BAZ2B: variants seen among roughly 807,000 people sequenced by gnomAD.
The protein encoded by BAZ2B is bromodomain adjacent to zinc finger domain 2B.
Under a neutral mutation model 246.0 loss-of-function variants are expected in BAZ2B, and 91 were observed. That is an observed-to-expected ratio of 0.37 (90% confidence interval 0.31 to 0.44). BAZ2B has a LOEUF of 0.44. BAZ2B is among the 20% of genes least tolerant of loss of function. The pLI is 1.00. For synonymous variants in BAZ2B, 855 were observed against 860.0 expected (o/e 0.99, Z 0.10); for missense variants, 2,332 against 2,533.7 (o/e 0.92, Z 1.71).
intron 34 of BAZ2B, among the ~76,000 whole-genome samples, chr2:159,329,415 T>A (rs2064321836): frequency 6.6e-6 from 1 of 152,132 alleles, no homozygotes; most frequent in East Asian, 1.9e-4. Context: ...ATCCTGGAGC[T>A]AATCCCTTGC....
intron 1 of BAZ2B, among the ~76,000 whole-genome samples, chr2:159,575,489 T>C (rs1167463649): frequency 6.6e-6 from 1 of 152,186 alleles, no homozygotes; most frequent in Non-Finnish European, 1.5e-5. Flanking sequence ...ATTCATTAAG[T>C]TGAGAAGGCT....
intron 5 of BAZ2B, 23 bp from the exon 6 acceptor site, chr2:159,446,998 T>C (rs778471664): frequency 2.0e-6 from 3 of 1,481,050 alleles, no homozygotes; most frequent in East Asian, 4.7e-5. Flanking sequence ...AATAAACATG[T>C]TTATACAATG....
intron 16 of BAZ2B, among the ~76,000 whole-genome samples, chr2:159,402,862 G>A (rs1039486925): frequency 5.3e-5 from 8 of 152,136 alleles, no homozygotes; most frequent in African/African-American, 1.9e-4. Flanking sequence ...TGAGTACTCA[G>A]CCACTGAGCC....
intron 25 of BAZ2B, among the ~76,000 whole-genome samples, chr2:159,380,852 C>T (rs909920173): frequency 6.6e-6 from 1 of 152,132 alleles, no homozygotes; most frequent in African/African-American, 2.4e-5. Context: ...GGAGATGACT[C>T]TTGGAAGCTT....
intron 2 of BAZ2B, among the ~76,000 whole-genome samples, chr2:159,551,025 A>T (rs1247349187): frequency 6.6e-6 from 1 of 152,072 alleles, no homozygotes; most frequent in African/African-American, 2.4e-5. Flanking sequence ...TTTTGTAGAG[A>T]CAAAGTCTCA....
rs531221803 is a variant in BAZ2B, at chr2:159,469,125, G to GA, written c.145+9449dup. On this transcript the variant is annotated intron_variant, in intron 3 of 36. Transcript: ENST00000392783. ...AAACAGAAGGAAATAATTAATGAGAGAAAAAAAACAGAAAATTGAGAAAAC... is the reference window on the plus strand; with the variant it reads ...AAACAGAAGGAAATAATTAATGAGAGAAAAAAAAACAGAAAATTGAGAAAAC... 8.4e-5 allele frequency among the ~76,000 whole-genome samples: 12 copies of GA among 142,608 alleles called. No individual in the cohort carries two copies. The South Asian group carries it at 1.8e-3, about 21-fold the overall frequency. 93.6% of individuals were successfully genotyped at this position (142,608 alleles called of 152,430 possible).
At chr2:159,606,922 A>ATTTTTT (rs5835752) in intron 1 of BAZ2B, among the ~76,000 whole-genome samples, 1 of 139,054 alleles carries the variant, frequency 7.2e-6, no homozygotes, top group Non-Finnish European at 1.5e-5. Context: ...TGGGATTTCT[A>ATTTTTT]TTTTTTTTTT....
At position 159,427,964 on chromosome 2, in the gene BAZ2B, A is replaced by G. The variant is rs2070298754; in HGVS notation, c.2443T>C (p.Tyr815His). The G allele has an allele frequency of 6.2e-7, 1 of 1,613,482 alleles. No homozygotes were observed. Among genetic ancestry groups the G allele is most frequent in the South Asian group, 1.1e-5 (1 of 91,046 alleles). The change falls in exon 13 of 37, where the codon TAT (tyrosine) becomes CAT (histidine). Residue 815 changes from tyrosine (Y) to histidine (H), a missense_variant. Transcript: ENST00000392783. ...ACCTGCGGTCCATCTCTGGCTTCATAGAAGTCACCCACTCTTATTTTTGCA... is the reference window on the plus strand; with the variant it reads ...ACCTGCGGTCCATCTCTGGCTTCATGGAAGTCACCCACTCTTATTTTTGCA... ...FSAKIRVGDFYEARDGPQGMQ... is the reference protein window; with the variant it reads ...FSAKIRVGDFHEARDGPQGMQ...
At position 159,320,713 on chromosome 2, in the gene BAZ2B, A is replaced by G. The variant is rs112760647; in HGVS notation, c.6354-295T>C. On this transcript the variant is annotated intron_variant, in intron 36 of 36. Transcript: ENST00000392783. ...CCAACTCCTGTTTGACCTGTATCAC[A>G]CAATTCTGTCACAGGACCTATCCCA... Among the ~76,000 whole-genome samples the G allele has an allele frequency of 8.0e-3, 1,224 of 152,302 alleles. 23 individuals are homozygous for G. Among genetic ancestry groups the G allele is most frequent in the African/African-American group, 0.028 (1,171 of 41,570 alleles).
At chr2:159,449,171 ATACT>A (rs1475425232) in intron 4 of BAZ2B, among the ~76,000 whole-genome samples, 2 of 152,198 alleles carry the variant, frequency 1.3e-5, no homozygotes, top group Admixed American at 6.5e-5. Flanking sequence ...TAAAAGGTAA[ATACT>A]TAAATAGTGT....
At chr2:159,649,677 C>A in the BAZ2B span, among the ~76,000 whole-genome samples, 1 of 152,162 alleles carries the variant, frequency 6.6e-6, no homozygotes, top group Non-Finnish European at 1.5e-5. Context: ...TGGTGACCTA[C>A]ACTGACGTAG....
intron 3 of BAZ2B, among the ~76,000 whole-genome samples, chr2:159,468,980 G>C (rs181141218): frequency 6.6e-6 from 1 of 151,364 alleles, no homozygotes; most frequent in Non-Finnish European, 1.5e-5. Context: ...GAACACGGGA[G>C]GCAGAGGTTG....
intron 1 of BAZ2B, among the ~76,000 whole-genome samples, chr2:159,599,630 A>AG (rs1691607872): frequency 6.7e-6 from 1 of 148,592 alleles, no homozygotes; most frequent in Admixed American, 6.7e-5. Context: ...AAAAAAAAAA[A>AG]GAAAAAAGAA....
chr2:159,569,169 A>G (rs953845365), intron 1 of BAZ2B, among the ~76,000 whole-genome samples: 2 of 152,210 alleles, frequency 1.3e-5, no homozygotes, highest in Admixed American at 6.5e-5. Flanking sequence ...TGTTCTCAAA[A>G]CAACCAAAAA....
rs368662688 is a variant in BAZ2B, at chr2:159,438,469, T to G, written c.1127A>C (p.Gln376Pro). 6.2e-7 allele frequency: 1 copy of G among 1,614,104 alleles called. No homozygotes were observed. The highest frequency in any genetic ancestry group is 1.3e-5 in the African/African-American group (1 of 74,948). The change falls in exon 8 of 37, where the codon CAG (glutamine) becomes CCG (proline). Residue 376 changes from glutamine (Q) to proline (P), a missense_variant. Transcript: ENST00000392783. The part of the protein sequence containing the change: ...ESVNKHTSVI[Q>P]STGLVSNVKP... The stretch of plus-strand genomic sequence containing the variant: ...CACATTGGACACCAATCCCGTAGAC[T>G]GTATTACACTGGTGTGTTTGTTCAC...
chr2:159,671,781 T>G, the BAZ2B span, among the ~76,000 whole-genome samples: 1 of 152,182 alleles, frequency 6.6e-6, no homozygotes, highest in Admixed American at 6.5e-5. Context: ...TAGCACGTTG[T>G]TTTTCCCTCT....
chr2:159,541,833 A>G (rs2086697668), intron 2 of BAZ2B, among the ~76,000 whole-genome samples: 1 of 152,140 alleles, frequency 6.6e-6, no homozygotes. Flanking sequence ...ATCTCCCATT[A>G]GGGCATTTCT....
chr2:159,385,219 C>T lies in BAZ2B; in HGVS notation c.3622G>A (p.Ala1208Thr). The change falls in exon 23 of 37, where the codon GCA (alanine) becomes ACA (threonine). Residue 1208 changes from alanine to threonine, a missense_variant. Ala to Thr is a moderately conservative substitution (Grantham distance 58, BLOSUM62 0). Coordinates refer to ENST00000392783, the MANE Select transcript of BAZ2B (RefSeq NM_013450.4). Reference sequence around the variant, plus strand: ...AAAGCCAGGACTGAAGCTTTCTGTGCTGGAGTGTGAGCCTGAAAAGCTTTG... The same window carrying T: ...AAAGCCAGGACTGAAGCTTTCTGTGTTGGAGTGTGAGCCTGAAAAGCTTTG... The part of the protein sequence containing the change: ...KTKAFQAHTP[A>T]QKASVLAFLI... 6.2e-7 allele frequency: 1 copy of T among 1,613,608 alleles called. No individual in the cohort carries two copies. The highest frequency in any genetic ancestry group is 8.5e-7 in the Non-Finnish European group (1 of 1,179,670).
chr2:159,553,995 T>C (rs909771993), intron 2 of BAZ2B, among the ~76,000 whole-genome samples: 1 of 152,118 alleles, frequency 6.6e-6, no homozygotes, highest in Non-Finnish European at 1.5e-5. Flanking sequence ...CCTGAATCAA[T>C]GTTGAAATCT....
Sources: gnomAD v4.1 joint callset for allele counts (sites outside exome capture counted in the v4.1 genomes callset) on GRCh38, gnomAD v4.1.1 for gene constraint, MANE v1.5 for transcripts, NCBI Gene and HGNC (gene_info 2026-07-23, HGNC 2026-07-21) for gene names.